Variants in LDB2 observed in about 807,000 individuals in gnomAD.
The protein encoded by LDB2 is LIM domain binding 2, also known as LIM domain-binding protein 2.
Under a neutral mutation model 44.3 loss-of-function variants are expected in LDB2, and 12 were observed. The observed-to-expected ratio is 0.27, with a 90% CI of 0.17 to 0.44. The LOEUF is 0.44. Among genes scored for constraint, LDB2 ranks in the 20% least tolerant of loss-of-function variants. The pLI is 1.00. For synonymous variants in LDB2, 164 were observed against 174.8 expected (o/e 0.94, Z 0.49); for missense variants, 344 against 473.5 (o/e 0.73, Z 2.54).
chr4:16,551,595 G>A (rs1292669560), intron 5 of LDB2, among the ~76,000 whole-genome samples: 49 of 152,132 alleles, frequency 3.2e-4, no homozygotes, highest in Non-Finnish European at 7.4e-5. Context: ...TCGGCTCACT[G>A]CAACCTCCAC....
intron 1 of LDB2, among the ~76,000 whole-genome samples, chr4:16,862,783 A>G (rs1181119509): frequency 1.3e-5 from 2 of 152,180 alleles, no homozygotes; most frequent in Non-Finnish European, 2.9e-5. Context: ...GAATATAAGG[A>G]AATTGGAATT....
At chr4:16,782,207 A>G (rs1391957738) in intron 1 of LDB2, among the ~76,000 whole-genome samples, 1 of 152,146 alleles carries the variant, frequency 6.6e-6, no homozygotes, top group Non-Finnish European at 1.5e-5. Flanking sequence ...ATCAGGCCGC[A>G]ATGCTGCTTC....
intron 2 of LDB2, among the ~76,000 whole-genome samples, chr4:16,739,047 A>G (rs1579209330): frequency 1.3e-5 from 2 of 152,234 alleles, no homozygotes; most frequent in African/African-American, 4.8e-5. Context: ...AGAGAGATTG[A>G]AAGAGAAGGC....
intron 2 of LDB2, among the ~76,000 whole-genome samples, chr4:16,707,861 A>C (rs2152651788): frequency 6.6e-6 from 1 of 152,322 alleles, no homozygotes; most frequent in African/African-American, 2.4e-5. Flanking sequence ...AAGATGTTGT[A>C]TCATTATACA....
At position 16,885,553 on chromosome 4, in the gene LDB2, T is replaced by G. The variant is rs377557033; in HGVS notation, c.132+12801A>C. Among the ~76,000 whole-genome samples, 13 of 152,276 alleles carry G rather than the reference T, an allele frequency of 8.5e-5. No homozygotes were observed. In the East Asian group the frequency reaches 1.7e-3, roughly 20 times the overall value. The stretch of plus-strand genomic sequence containing the variant: ...CACTTTTTGAGGTATCCCTTTTCTT[T>G]TTGAATTAAAGACGTGTCCTTCAGA... On this transcript the variant is annotated intron_variant, in intron 1 of 7. Coordinates refer to ENST00000304523, the MANE Select transcript of LDB2 (RefSeq NM_001290.5).
At chr4:16,752,865 C>A (rs1387558574) in intron 2 of LDB2, among the ~76,000 whole-genome samples, 1 of 150,902 alleles carries the variant, frequency 6.6e-6, no homozygotes. Context: ...TGAATGTTAT[C>A]TCTGTCTCAA....
intron 5 of LDB2, chr4:16,581,249 C>T (rs74764686): frequency 0.067 from 12,523 of 188,000 alleles, 542 homozygotes; most frequent in Non-Finnish European, 0.086. Context: ...TAGAACCTAG[C>T]GAGAGAGATG....
intron 1 of LDB2, among the ~76,000 whole-genome samples, chr4:16,806,129 T>C (rs191174967): frequency 4.6e-5 from 7 of 152,308 alleles, no homozygotes; most frequent in Non-Finnish European, 7.4e-5. Flanking sequence ...TGAAGGAAAG[T>C]AAGTTTCCTA....
chr4:16,749,576 A>AAAT (rs1490640453), intron 2 of LDB2, among the ~76,000 whole-genome samples: 1 of 136,094 alleles, frequency 7.3e-6, no homozygotes, highest in Non-Finnish European at 1.5e-5. Context: ...AAAAAAATAA[A>AAAT]AAAATAAAAA....
intron 1 of LDB2, among the ~76,000 whole-genome samples, chr4:16,767,162 TC>T (rs1010774381): frequency 8.5e-5 from 13 of 152,218 alleles, no homozygotes; most frequent in Non-Finnish European, 1.6e-4. Context: ...GCAGTATATT[TC>T]CAAGTGGGTT....
intron 5 of LDB2, among the ~76,000 whole-genome samples, chr4:16,550,942 CAG>C (rs1737443550): frequency 6.6e-6 from 1 of 152,150 alleles, no homozygotes; most frequent in Admixed American, 6.5e-5. Flanking sequence ...ATAAAAGCAA[CAG>C]GGATTTATGT....
rs1315288524 is a variant in LDB2 at position 16,659,671 on chromosome 4, G to GTGTGTATATATATATA, written c.236-63797_236-63796insTATATATATATACACA. On this transcript the variant is annotated intron_variant, in intron 2 of 7. Transcript: ENST00000304523. ...CACACATATGAGTATATCTATGTGT[G>GTGTGTATATATATATA]TATATATATATATATATATATGTAT... is the stretch of plus-strand genomic sequence containing the variant. Among the ~76,000 whole-genome samples, 43 of 133,548 alleles carry GTGTGTATATATATATA rather than the reference G, an allele frequency of 3.2e-4. 1 individual carries two copies. The highest frequency in any genetic ancestry group is 1.2e-3 in the African/African-American group (41 of 33,100). The allele number at this position is 133,548 out of a possible 152,430, so 87.6% of individuals were successfully genotyped here.
chr4:16,722,572 T>TG (rs1362945283), intron 2 of LDB2, among the ~76,000 whole-genome samples: 7 of 152,188 alleles, frequency 4.6e-5, no homozygotes, highest in Non-Finnish European at 5.9e-5. Flanking sequence ...TCATCTCTTT[T>TG]GTGCCCTAGG....
intron 1 of LDB2, among the ~76,000 whole-genome samples, chr4:16,776,093 T>G (rs1771834002): frequency 6.6e-6 from 1 of 152,316 alleles, no homozygotes; most frequent in African/African-American, 2.4e-5. Context: ...CTTTCCCCCT[T>G]CCATCTCCCT....
intron 5 of LDB2, chr4:16,512,329 TACACAC>T: frequency 2.2e-6 from 1 of 453,854 alleles, no homozygotes; most frequent in Non-Finnish European, 3.9e-6. Flanking sequence ...TTCACACGGA[TACACAC>T]ACAGACACAC....
chr4:16,530,899 C>A (rs1028298834), intron 5 of LDB2, among the ~76,000 whole-genome samples: 1 of 152,188 alleles, frequency 6.6e-6, no homozygotes, highest in African/African-American at 2.4e-5. Context: ...TAGAGATAAG[C>A]AACCTAAGGC....
chr4:16,881,840 G>C (rs1720227112), intron 1 of LDB2, among the ~76,000 whole-genome samples: 1 of 152,110 alleles, frequency 6.6e-6, no homozygotes. Context: ...AAGAGACCTA[G>C]TTGCAGCCAT....
At chr4:16,818,536 T>C (rs191231749) in intron 1 of LDB2, among the ~76,000 whole-genome samples, 67 of 152,356 alleles carry the variant, frequency 4.4e-4, no homozygotes, top group African/African-American at 1.5e-3. Flanking sequence ...TTTTCCTTCA[T>C]TGACTTCTTT....
chr4:16,647,081 G>A (rs1736999886), intron 2 of LDB2, among the ~76,000 whole-genome samples: 1 of 152,190 alleles, frequency 6.6e-6, no homozygotes, highest in Non-Finnish European at 1.5e-5. Context: ...TTGAGGAACA[G>A]TTAAACGAAA....
Sources: gnomAD v4.1 joint callset for allele counts (sites outside exome capture counted in the v4.1 genomes callset) on GRCh38, gnomAD v4.1.1 for gene constraint, MANE v1.5 for transcripts, NCBI Gene and HGNC (gene_info 2026-07-23, HGNC 2026-07-21) for gene names.